The following IRF8 variants were observed in gnomAD, a reference collection of about 807,000 sequenced individuals.
The protein encoded by IRF8 is interferon consensus sequence binding protein 1.
In IRF8, 14 loss-of-function variants were observed where a neutral mutation model predicts 48.7. The observed-to-expected ratio is 0.29, with a 90% CI of 0.19 to 0.45. The LOEUF is 0.45. Ranked by LOEUF, IRF8 falls within the 20% of genes least tolerant of loss-of-function variation. The pLI is 1.00. For synonymous variants in IRF8, 278 were observed against 227.3 expected (o/e 1.22, Z -2.01); for missense variants, 493 against 580.7 (o/e 0.85, Z 1.55).
chr16:85,908,100 T>G (rs1905054947), intron 2 of IRF8, among the ~76,000 whole-genome samples: 1 of 152,262 alleles, frequency 6.6e-6, no homozygotes, highest in Non-Finnish European at 1.5e-5. Flanking sequence ...CCTCTTGGAA[T>G]TGCATTTTCC....
At chr16:85,909,618 C>T in intron 3 of IRF8, 1 of 226,826 alleles carries the variant, frequency 4.4e-6, no homozygotes, top group Non-Finnish European at 8.9e-6. Flanking sequence ...GGATATGCCT[C>T]AGTGTGTTAC....
Position 85,914,519 on chromosome 16 carries a change from A to T in IRF8, c.600A>T (p.Ser200=). The change falls in exon 6 of 9, where the codon TCA becomes TCT. Residue 200 remains serine, a splice_region_variant and synonymous_variant. Coordinates refer to ENST00000268638, the MANE Select transcript of IRF8 (RefSeq NM_002163.4). ...TGYTTYDAHH[S]AFSQMVISFY... ...ACACCACCTACGACGCGCACCATTC[A>T]GGTACGGGGTGGTCCGGGCTGAGAG... is the stretch of plus-strand genomic sequence containing the variant. 6.2e-7 allele frequency: 1 copy of T among 1,614,062 alleles called. No homozygotes were observed. The highest frequency in any genetic ancestry group is 8.5e-7 in the Non-Finnish European group (1 of 1,179,996).
chr16:85,911,801 T>G, intron 4 of IRF8, 143 bp downstream of exon 4: 1 of 714,108 alleles, frequency 1.4e-6, no homozygotes, highest in Non-Finnish European at 2.5e-6. Context: ...CCTGTACAGA[T>G]CTGGAACGGA....
chr16:85,909,573 C>T, intron 3 of IRF8: 2 of 260,208 alleles, frequency 7.7e-6, no homozygotes, highest in South Asian at 4.6e-5. Context: ...ATGAAGTTGT[C>T]AAAGATGGCA....
At chr16:85,913,889 C>T (rs1460651172) in intron 5 of IRF8, 4 of 172,076 alleles carry the variant, frequency 2.3e-5, no homozygotes, top group Non-Finnish European at 5.1e-5. Flanking sequence ...TTGAAATGCC[C>T]CCGCCCCCGC....
chr16:85,913,043 C>T (rs1905190743), intron 4 of IRF8, 88 bp from the exon 5 acceptor site: 1 of 948,456 alleles, frequency 1.1e-6, no homozygotes, highest in African/African-American at 1.6e-5. Flanking sequence ...TTTACTTACA[C>T]ATGAACTGTT....
chr16:85,908,710 C>G (rs1009490372), intron 2 of IRF8, among the ~76,000 whole-genome samples: 1 of 152,202 alleles, frequency 6.6e-6, no homozygotes, highest in African/African-American at 2.4e-5. Flanking sequence ...AAGGTGCACT[C>G]CAGGGTTGGA....
At chr16:85,906,155 T>C (rs148568444) in intron 2 of IRF8, among the ~76,000 whole-genome samples, 7 of 152,334 alleles carry the variant, frequency 4.6e-5, no homozygotes, top group Non-Finnish European at 1.0e-4. Flanking sequence ...AGCACAGATA[T>C]TTCTCATTCA....
At position 85,918,607 on chromosome 16, in the gene IRF8, G is replaced by A; in HGVS notation, c.792G>A (p.Arg264=). Residue 264 remains arginine (R), a synonymous_variant, in exon 7 of 9, where the codon AGG becomes AGA. Transcript: ENST00000268638. ...ACGCCATCCCCAGCGAGCGACAGAG[G>A]CAGGTGACGCGGAAGCTGTTCGGGC... The part of the protein sequence containing the change: ...PADAIPSERQ[R]QVTRKLFGHL... The A allele has an allele frequency of 6.2e-7, 1 of 1,607,486 alleles. No individual in the cohort carries two copies. The highest frequency in any genetic ancestry group is 8.5e-7 in the Non-Finnish European group (1 of 1,179,460).
At chr16:85,903,263 G>A in intron 2 of IRF8, 74 bp downstream of exon 2, 2 of 1,331,542 alleles carry the variant, frequency 1.5e-6, no homozygotes, top group East Asian at 2.4e-5. Flanking sequence ...GAGATGTTGA[G>A]TGACATCTTT....
Position 85,919,003 on chromosome 16 carries a change from C to T in IRF8, c.988+200C>T, listed in dbSNP as rs189797662. 2.6e-5 allele frequency among the ~76,000 whole-genome samples: 4 copies of T among 152,292 alleles called. No homozygotes were observed. The East Asian group carries it at 7.7e-4, about 29-fold the overall frequency. ...AGCGATCCTGGGGTGCTTCTCTGTG[C>T]CTCAACTTCCCCATGTGTACAGTGG... On this transcript the variant is annotated intron_variant, in intron 7 of 8. Transcript: ENST00000268638.
chr16:85,913,609 A>G (rs1016985759), intron 5 of IRF8, among the ~76,000 whole-genome samples: 2 of 152,234 alleles, frequency 1.3e-5, no homozygotes, highest in African/African-American at 4.8e-5. Context: ...GTACTCCCTT[A>G]GGTCGGCCAG....
At chr16:85,902,821 C>T (rs1904867514) in intron 1 of IRF8, 194 bp from the exon 2 acceptor site, 1 of 649,858 alleles carries the variant, frequency 1.5e-6, no homozygotes, top group South Asian at 1.7e-5. Context: ...TCAGTTTGCA[C>T]TCAGGGCTGT....
At chr16:85,903,379 T>C in intron 2 of IRF8, 190 bp downstream of exon 2, 1 of 610,816 alleles carries the variant, frequency 1.6e-6, no homozygotes, top group Non-Finnish European at 2.9e-6. Context: ...TCTTTTGAAT[T>C]ACGGAGTCAC....
rs1199023357 is a variant in IRF8 at position 85,921,275 on chromosome 16, C to T, written c.1274C>T (p.Thr425Ile). ...TTTTTCAGAGAAAACCAACAGATCA[C>T]CGTCTAAGTGCGTCGCTTGGGCGCC... The part of the protein sequence containing the change: ...RSFFRENQQI[T>I]V Residue 425 changes from threonine to isoleucine, a missense_variant, in exon 9 of 9, where the codon ACC (threonine) becomes ATC (isoleucine). Thr to Ile is a moderately conservative substitution (Grantham distance 89). This residue lies in a region of IRF8 where 408 missense variants were observed against 449.6 expected (regional missense o/e 0.91). Coordinates refer to ENST00000268638, the MANE Select transcript of IRF8 (RefSeq NM_002163.4). 2 of 1,613,802 alleles carry T rather than the reference C, an allele frequency of 1.2e-6. No homozygotes were observed. The highest frequency in any genetic ancestry group is 8.5e-7 in the Non-Finnish European group (1 of 1,180,046).
chr16:85,911,042 C>T (rs1053367346), intron 3 of IRF8, among the ~76,000 whole-genome samples: 1 of 152,154 alleles, frequency 6.6e-6, no homozygotes, highest in Non-Finnish European at 1.5e-5. Context: ...CTGGTGCCCA[C>T]TGGGCATCAG....
intron 8 of IRF8, 109 bp from the exon 9 acceptor site, chr16:85,920,997 G>C: frequency 9.3e-7 from 1 of 1,078,150 alleles, no homozygotes; most frequent in South Asian, 1.3e-5. Context: ...ATTCACTTGG[G>C]ACTCACGTGG....
Position 85,909,064 on chromosome 16 carries a change from C to T in IRF8, c.249C>T (p.Arg83=), listed in dbSNP as rs2152100701. The change falls in exon 3 of 9, where the codon CGC becomes CGT. Residue 83 remains arginine, a synonymous_variant. Coordinates refer to ENST00000268638, the MANE Select transcript of IRF8 (RefSeq NM_002163.4). ...CAGCCACTTGGAAGACGAGGTTACGCTGTGCTTTGAATAAGAGCCCAGATT... is the reference window on the plus strand; with the variant it reads ...CAGCCACTTGGAAGACGAGGTTACGTTGTGCTTTGAATAAGAGCCCAGATT... The part of the protein sequence containing the change: ...AEPATWKTRL[R]CALNKSPDFE... The T allele has an allele frequency of 3.7e-6, 6 of 1,614,130 alleles. No homozygotes were observed. In the East Asian group the frequency reaches 1.1e-4, roughly 30 times the overall value.
At chr16:85,899,323 A>C (rs539551423) in intron 1 of IRF8, 100 bp downstream of exon 1, 1 of 152,236 alleles carries the variant, frequency 6.6e-6, no homozygotes, top group East Asian at 1.9e-4. Context: ...TACCTACCGT[A>C]ATGTCCCCGG....
Sources: allele counts gnomAD v4.1 joint callset (sites outside exome capture counted in the v4.1 genomes callset), GRCh38; gene constraint gnomAD v4.1.1; regional missense constraint gnomAD v4.1.1; transcripts MANE v1.5; gene names NCBI Gene and HGNC (gene_info 2026-07-23, HGNC 2026-07-21).